Variants in IGF2R observed in about 807,000 individuals in gnomAD.
IGF2R encodes the protein cation-independent mannose-6-phosphate receptor.
In IGF2R, 91 loss-of-function variants were observed where a neutral mutation model predicts 270.6. That is an observed-to-expected ratio of 0.34 (90% CI 0.28 to 0.40). IGF2R has a LOEUF of 0.40. Ranked by LOEUF, IGF2R falls within the 10% of genes least tolerant of loss-of-function variation. IGF2R has a pLI of 1.00. For missense variants in IGF2R, 2,805 were observed against 3,188.3 expected (o/e 0.88, Z 2.90); for synonymous variants, 1,316 against 1,258.9 (o/e 1.05, Z -0.96).
At chr6:160,095,758 G>C (rs1779342497) in intron 44 of IGF2R, 1 of 152,490 alleles carries the variant, frequency 6.6e-6, no homozygotes, top group Non-Finnish European at 1.5e-5. Flanking sequence ...GTATGTCTCT[G>C]TGAGTCTGTT....
At chr6:160,062,648 T>C (rs765437730) in intron 26 of IGF2R, 29 bp downstream of exon 26, 1 of 1,513,120 alleles carries the variant, frequency 6.6e-7, no homozygotes, top group Admixed American at 1.7e-5. Flanking sequence ...CTACAAGTCA[T>C]TTTAAATGTA....
chr6:160,036,155 T>C lies in IGF2R; in HGVS notation c.1315+1633T>C, dbSNP rs1777819259. Among the ~76,000 whole-genome samples the C allele has an allele frequency of 2.0e-5, 3 of 152,182 alleles. No homozygotes were observed. In the South Asian group the frequency reaches 6.2e-4, roughly 32 times the overall value. On this transcript the variant is annotated intron_variant, in intron 10 of 47. Transcript: ENST00000356956. ...GAAATCTGTGAAGTCCCAAGGATTTTCAGCAGGGGTATGACATACATCTGA... is the reference window on the plus strand; with the variant it reads ...GAAATCTGTGAAGTCCCAAGGATTTCCAGCAGGGGTATGACATACATCTGA...
At chr6:160,044,442 T>TA in intron 12 of IGF2R, 72 bp from the exon 13 acceptor site, 2 of 1,184,738 alleles carry the variant, frequency 1.7e-6, no homozygotes, top group Non-Finnish European at 2.4e-6. Flanking sequence ...CTTTTTTTTT[T>TA]AAGTCACTTC....
At position 159,985,910 on chromosome 6, in the gene IGF2R, A is replaced by C. The variant is rs189035345; in HGVS notation, c.150-5274A>C. ...GATTTTCTAGAACATTTTCTGTCCC[A>C]GAGTGATGGTTTTGAAGAACCAGCG... On this transcript the variant is annotated intron_variant, in intron 1 of 47. Transcript: ENST00000356956. 1.1e-3 allele frequency among the ~76,000 whole-genome samples: 167 copies of C among 152,366 alleles called. 2 individuals carry two copies. The highest frequency in any genetic ancestry group is 3.8e-3 in the African/African-American group (160 of 41,590).
chr6:160,014,318 C>T (rs1777233604), intron 4 of IGF2R, among the ~76,000 whole-genome samples: 1 of 152,200 alleles, frequency 6.6e-6, no homozygotes, highest in Admixed American at 6.5e-5. Context: ...AACAACCTCG[C>T]TCCCCAGGCT....
chr6:160,103,536 C>T (rs1055110064), intron 46 of IGF2R, among the ~76,000 whole-genome samples: 1 of 152,086 alleles, frequency 6.6e-6, no homozygotes, highest in Non-Finnish European at 1.5e-5. Context: ...TGTTGGATTC[C>T]AAAGCCCATC....
chr6:160,032,820 G>A (rs751974891), intron 8 of IGF2R, 107 bp downstream of exon 8: 14 of 1,417,178 alleles, frequency 9.9e-6, no homozygotes, highest in Admixed American at 7.6e-5. Flanking sequence ...CTGGGTTGGA[G>A]AGAGCTGTAG....
At chr6:160,007,540 A>G (rs931256555) in intron 2 of IGF2R, 1 of 152,110 alleles carries the variant, frequency 6.6e-6, no homozygotes, top group African/African-American at 2.4e-5. Context: ...TGTTCATTTT[A>G]TATTGGGTTA....
chr6:160,060,427 C>T, intron 22 of IGF2R, 120 bp from the exon 23 acceptor site: 2 of 931,318 alleles, frequency 2.1e-6, no homozygotes, highest in Admixed American at 4.3e-5. Context: ...GTCATTGCTC[C>T]CACGAACGGC....
At chr6:159,996,138 A>G (rs1784050159) in intron 2 of IGF2R, among the ~76,000 whole-genome samples, 1 of 152,070 alleles carries the variant, frequency 6.6e-6, no homozygotes, top group Non-Finnish European at 1.5e-5. Context: ...CTCAAATGCT[A>G]GTGATAGTAA....
At chr6:160,103,515 G>A (rs879905081) in intron 46 of IGF2R, among the ~76,000 whole-genome samples, 4 of 152,156 alleles carry the variant, frequency 2.6e-5, no homozygotes, top group Non-Finnish European at 4.4e-5. Flanking sequence ...TTGCTCTAGA[G>A]GGCCCTCTGC....
chr6:160,083,991 G>A lies in IGF2R; in HGVS notation c.5875G>A (p.Glu1959Lys), dbSNP rs1779043065. 6.2e-7 allele frequency: 1 copy of A among 1,614,128 alleles called. No homozygotes were observed. Among genetic ancestry groups the A allele is most frequent in the Non-Finnish European group, 8.5e-7 (1 of 1,179,958 alleles). ...ATCCAGCATCATATTTAAGTGTGAT[G>A]AAGATGAGGACATTGGGAGGCCACA... The part of the protein sequence containing the change: ...RTSSIIFKCD[E>K]DEDIGRPQVF... Residue 1959 changes from glutamate to lysine, a missense_variant, in exon 40 of 48, where the codon GAA becomes AAA. Around this residue, in one of 2 missense-constraint regions of IGF2R, gnomAD observed 1,851 missense variants for 2,207.2 expected, o/e 0.84. Coordinates refer to ENST00000356956, the MANE Select transcript of IGF2R (RefSeq NM_000876.4).
At chr6:160,027,771 G>T (rs1777595357) in intron 6 of IGF2R, among the ~76,000 whole-genome samples, 1 of 152,228 alleles carries the variant, frequency 6.6e-6, no homozygotes, top group South Asian at 2.1e-4. Flanking sequence ...AATGTGTTGT[G>T]CCGTGTACAT....
Position 160,073,294 on chromosome 6 carries a change from T to C in IGF2R, c.4772T>C (p.Val1591Ala), listed in dbSNP as rs1210012308. Residue 1591 changes from valine to alanine, a missense_variant, in exon 34 of 48, where the codon GTG becomes GCG. This residue lies in a region of IGF2R where 1,851 missense variants were observed against 2,207.2 expected (regional missense o/e 0.84). Coordinates refer to ENST00000356956, the MANE Select transcript of IGF2R (RefSeq NM_000876.4). ...TACGTGGACCAGGTCCTGCAGCTGG[T>C]GTACAAGGATGGGTCCCCTTGTCCC... The part of the protein sequence containing the change: ...LRYVDQVLQL[V>A]YKDGSPCPSK... 2 of 1,614,248 alleles carry C rather than the reference T, an allele frequency of 1.2e-6. No individual in the cohort carries two copies. The highest frequency in any genetic ancestry group is 4.5e-5 in the East Asian group (2 of 44,886).
chr6:160,020,029 T>C (rs1777397506), intron 4 of IGF2R, among the ~76,000 whole-genome samples: 1 of 152,176 alleles, frequency 6.6e-6, no homozygotes, highest in African/African-American at 2.4e-5. Flanking sequence ...CTCTGTGTGC[T>C]GATGATATGA....
intron 25 of IGF2R, among the ~76,000 whole-genome samples, 200 bp downstream of exon 25, chr6:160,062,128 G>T (rs1014636201): frequency 3.3e-5 from 5 of 151,714 alleles, no homozygotes; most frequent in African/African-American, 1.2e-4. Context: ...TGCACATGGA[G>T]GTCAAAGATT....
chr6:160,098,253 G>A (rs1428973151), intron 45 of IGF2R, among the ~76,000 whole-genome samples: 1 of 152,090 alleles, frequency 6.6e-6, no homozygotes, highest in Non-Finnish European at 1.5e-5. Context: ...CTGTTTATAG[G>A]GCTTTGGTGT....
chr6:160,033,507 T>C (rs1023599709), intron 9 of IGF2R, among the ~76,000 whole-genome samples: 2 of 152,268 alleles, frequency 1.3e-5, no homozygotes, highest in African/African-American at 4.8e-5. Context: ...CTCTTTCCAT[T>C]TTCCGTAAGG....
At chr6:160,062,415 A>G in intron 25 of IGF2R, 117 bp from the exon 26 acceptor site, 1 of 728,724 alleles carries the variant, frequency 1.4e-6, no homozygotes, top group East Asian at 2.7e-5. Context: ...CTTGTGATCC[A>G]CCCGTCTCGG....
Sources: allele counts gnomAD v4.1 joint callset (sites outside exome capture counted in the v4.1 genomes callset), GRCh38; gene constraint gnomAD v4.1.1; regional missense constraint gnomAD v4.1.1; transcripts MANE v1.5; gene names NCBI Gene and HGNC (gene_info 2026-07-23, HGNC 2026-07-21).